DIS3L: variants seen among roughly 807,000 people sequenced by gnomAD.
The protein encoded by DIS3L is DIS3 like exosome 3'-5' exoribonuclease.
A neutral mutation model predicts 120.3 loss-of-function variants in DIS3L; 100 were observed. The ratio of observed to expected loss-of-function variants is 0.83; its 90% CI spans 0.71 to 0.98. The LOEUF is 0.98. Among genes scored for constraint, DIS3L ranks in the 50% least tolerant of loss-of-function variants. DIS3L has a pLI of 0.00. For synonymous variants in DIS3L, 426 were observed against 470.6 expected (o/e 0.91, Z 1.23); for missense variants, 1,196 against 1,314.2 (o/e 0.91, Z 1.39).
At chr15:66,301,226 C>T (rs953654345) in intron 2 of DIS3L, among the ~76,000 whole-genome samples, 1 of 152,002 alleles carries the variant, frequency 6.6e-6, no homozygotes, top group Non-Finnish European at 1.5e-5. Context: ...AGAAAACATC[C>T]AAGCCAGTCC....
At chr15:66,313,230 G>A (rs190131996) in intron 5 of DIS3L, among the ~76,000 whole-genome samples, 2 of 151,848 alleles carry the variant, frequency 1.3e-5, no homozygotes, top group Non-Finnish European at 2.9e-5. Flanking sequence ...TCTTGACCTC[G>A]TGATCCACCC....
chr15:66,327,930 G>A (rs898613901), intron 12 of DIS3L, among the ~76,000 whole-genome samples: 3 of 151,928 alleles, frequency 2.0e-5, no homozygotes, highest in Non-Finnish European at 4.4e-5. Flanking sequence ...GCGCACTCTT[G>A]TAATCCCAGC....
chr15:66,309,988 C>G (rs1024908142), intron 4 of DIS3L, among the ~76,000 whole-genome samples: 2 of 152,140 alleles, frequency 1.3e-5, no homozygotes, highest in East Asian at 3.8e-4. Context: ...CTCTTAGGTA[C>G]CTTTTGTGAG....
intron 8 of DIS3L, 26 bp from the exon 9 acceptor site, chr15:66,320,545 G>A (rs1405233248): frequency 6.2e-7 from 1 of 1,601,200 alleles, no homozygotes; most frequent in Non-Finnish European, 8.5e-7. Flanking sequence ...GTGCTCAGCT[G>A]TGTTTTATTT....
intron 2 of DIS3L, among the ~76,000 whole-genome samples, chr15:66,299,598 AAAG>A (rs1350830281): frequency 6.6e-6 from 1 of 152,068 alleles, no homozygotes; most frequent in Admixed American, 6.5e-5. Flanking sequence ...GGCCTGGAAA[AAAG>A]AAGGGAGGAG....
Position 66,306,811 on chromosome 15 carries a change from C to T in DIS3L, c.294-13C>T. On this transcript the variant is annotated splice_polypyrimidine_tract_variant and intron_variant, in intron 2 of 16. Coordinates refer to ENST00000319212, the MANE Select transcript of DIS3L (RefSeq NM_001143688.3). Reference sequence around the variant, plus strand: ...CTGCTTTGTTAGAGTTATTTTTCTCCTCCGTGTCACAGACAGTATAACAAA... The same window carrying T: ...CTGCTTTGTTAGAGTTATTTTTCTCTTCCGTGTCACAGACAGTATAACAAA... 2 of 1,613,538 alleles carry T rather than the reference C, an allele frequency of 1.2e-6. No homozygotes were observed. Among genetic ancestry groups the T allele is most frequent in the South Asian group, 1.1e-5 (1 of 91,048 alleles).
intron 3 of DIS3L, among the ~76,000 whole-genome samples, chr15:66,307,302 A>T (rs985178494): frequency 3.3e-5 from 5 of 151,442 alleles, no homozygotes; most frequent in Admixed American, 6.6e-5. Context: ...TATTTTTTTT[A>T]ATTTTTTTTT....
chr15:66,296,594 G>A (rs752119342), intron 2 of DIS3L, among the ~76,000 whole-genome samples: 14 of 151,016 alleles, frequency 9.3e-5, no homozygotes, highest in South Asian at 4.2e-4. Context: ...TCGGCTCACA[G>A]GTCACTGCAA....
intron 15 of DIS3L, among the ~76,000 whole-genome samples, chr15:66,332,364 G>A (rs1019976210): frequency 2.6e-5 from 4 of 151,870 alleles, no homozygotes; most frequent in African/African-American, 9.7e-5. Context: ...GGCTGAGGCA[G>A]GAGAATCACT....
At position 66,311,741 on chromosome 15, in the gene DIS3L, C is replaced by A; in HGVS notation, c.576C>A (p.Phe192Leu). Residue 192 changes from phenylalanine to leucine, a missense_variant, in exon 5 of 17, where the codon TTC (phenylalanine) becomes TTA (leucine). Phe to Leu is a conservative substitution (Grantham distance 22). Coordinates refer to ENST00000319212, the MANE Select transcript of DIS3L (RefSeq NM_001143688.3). ...AAATACAGAATTACCTGGACAATTT[C>A]TGGCCTGATTTAAAAGCTGCCCACG... ...VITFKNYLDN[F>L]WPDLKAAHEL... 1.2e-6 allele frequency: 2 copies of A among 1,614,094 alleles called. No individual in the cohort carries two copies. The highest frequency in any genetic ancestry group is 1.7e-6 in the Non-Finnish European group (2 of 1,179,982).
At chr15:66,299,135 G>A (rs1282481047) in intron 2 of DIS3L, among the ~76,000 whole-genome samples, 1 of 152,192 alleles carries the variant, frequency 6.6e-6, no homozygotes, top group Non-Finnish European at 1.5e-5. Context: ...CATGGGGAGG[G>A]GCCTGTGGCA....
Position 66,333,440 on chromosome 15 carries a change from AAT to A in DIS3L, c.*129_*130del. ...GGGTAGCTATTTCGCATATATGTAAAATGTTCTCAGCCGGGCACGGTGGCTCA... is the reference window on the plus strand; with the variant it reads ...GGGTAGCTATTTCGCATATATGTAAAGTTCTCAGCCGGGCACGGTGGCTCA... On this transcript the variant is annotated 3_prime_UTR_variant, in exon 17 of 17. Coordinates refer to ENST00000319212, the MANE Select transcript of DIS3L (RefSeq NM_001143688.3). The A allele has an allele frequency of 3.7e-6, 4 of 1,088,450 alleles. No homozygotes were observed. Among genetic ancestry groups the A allele is most frequent in the Non-Finnish European group, 5.1e-6 (4 of 779,980 alleles). The allele number at this position is 1,088,450 out of a possible 1,614,324, so 67.4% of individuals were successfully genotyped here. A position where few individuals can be genotyped will look rare whatever the true frequency, so the allele number is the denominator to read the frequency against.
At chr15:66,294,375 C>A (rs2140309295) in intron 1 of DIS3L, 1 of 985,558 alleles carries the variant, frequency 1.0e-6, no homozygotes, top group African/African-American at 1.7e-5. Context: ...GCTCTCTTCC[C>A]CCATGGGAGG....
chr15:66,324,836 C>T (rs2092919760), intron 11 of DIS3L, among the ~76,000 whole-genome samples: 1 of 152,140 alleles, frequency 6.6e-6, no homozygotes, highest in Non-Finnish European at 1.5e-5. Flanking sequence ...GATTCAAGAT[C>T]AATTACTGAT....
chr15:66,311,108 A>T (rs1354457936), intron 4 of DIS3L, among the ~76,000 whole-genome samples: 1 of 151,774 alleles, frequency 6.6e-6, no homozygotes, highest in East Asian at 1.9e-4. Flanking sequence ...GGCACAGTGT[A>T]ATCCCAGCAC....
At chr15:66,329,492 A>C in intron 14 of DIS3L, 93 bp downstream of exon 14, 7 of 1,390,894 alleles carry the variant, frequency 5.0e-6, no homozygotes, top group Non-Finnish European at 6.6e-6. Flanking sequence ...CATATATTCT[A>C]GCAAATTAAA....
chr15:66,332,358 G>A (rs1346046738), intron 15 of DIS3L, among the ~76,000 whole-genome samples: 1 of 151,768 alleles, frequency 6.6e-6, no homozygotes, highest in African/African-American at 2.4e-5. Context: ...CTGGGAGGCT[G>A]AGGCAGGAGA....
rs376015164 is a variant in DIS3L, at chr15:66,311,689, C to T, written c.559-35C>T. The T allele has an allele frequency of 4.8e-5, 78 of 1,610,906 alleles. No individual in the cohort carries two copies. The African/African-American group carries it at 9.1e-4, about 19-fold the overall frequency. On this transcript the variant is annotated intron_variant, in intron 4 of 16. Coordinates refer to ENST00000319212, the MANE Select transcript of DIS3L (RefSeq NM_001143688.3). Reference sequence around the variant, plus strand: ...TACCATGGTGAAGAATCAGTACCTTCTGACCGTGTTTCTCTGTGCCTTTAT... The same window carrying T: ...TACCATGGTGAAGAATCAGTACCTTTTGACCGTGTTTCTCTGTGCCTTTAT...
rs755816866 is a variant in DIS3L, at chr15:66,320,738, A to AT, written c.1326+10dup. 3.1e-6 allele frequency: 5 copies of AT among 1,609,690 alleles called. No homozygotes were observed. In the East Asian group the frequency reaches 1.1e-4, roughly 36 times the overall value. On this transcript the variant is annotated splice_region_variant and intron_variant, in intron 9 of 16. Transcript: ENST00000319212. Reference sequence around the variant, plus strand: ...TTCCTTTCTCAGAAGCTCAGGTCAGATTTTCCAGAAGGCTTTGATCTAGTG... The same window carrying AT: ...TTCCTTTCTCAGAAGCTCAGGTCAGATTTTTCCAGAAGGCTTTGATCTAGTG...
Sources: gnomAD v4.1 joint callset for allele counts (sites outside exome capture counted in the v4.1 genomes callset) on GRCh38, gnomAD v4.1.1 for gene constraint, MANE v1.5 for transcripts, NCBI Gene and HGNC (gene_info 2026-07-23, HGNC 2026-07-21) for gene names.